SSUH2: variants seen among roughly 807,000 people sequenced by gnomAD.
The protein encoded by SSUH2 is protein SSUH2 homolog.
In SSUH2, 47 loss-of-function variants were observed where a neutral mutation model predicts 55.3. The ratio of observed to expected loss-of-function variants is 0.85; its 90% CI spans 0.67 to 1.08. The LOEUF (loss-of-function observed/expected upper bound fraction) is 1.08. Among genes scored for constraint, SSUH2 ranks in the 50% least tolerant of loss-of-function variants. The pLI, the probability that SSUH2 is intolerant of heterozygous loss-of-function variation, is 0.00. For synonymous variants in SSUH2, 212 were observed against 191.5 expected, an observed-to-expected ratio of 1.11 and a Z score of -0.89; for missense variants, 535 against 490.7, an observed-to-expected ratio of 1.09 and a Z score of -0.85.
chr3:8,679,447 G>GTA (rs1559573412), intron 2 of SSUH2, among the ~76,000 whole-genome samples: 11 of 138,458 alleles, frequency 7.9e-5, no homozygotes, highest in East Asian at 2.4e-4. Context: ...CATCACAGCG[G>GTA]GGGGAGGCAC....
At chr3:8,659,981 T>TA (rs1703315006) in intron 6 of SSUH2, among the ~76,000 whole-genome samples, 1 of 152,194 alleles carries the variant, frequency 6.6e-6, no homozygotes, top group Admixed American at 6.5e-5. Flanking sequence ...GACAGGCTCC[T>TA]AACACATGTC....
At chr3:8,632,142 T>G (rs749143886) in intron 4 of SSUH2, 33 bp from the exon 5 acceptor site, 2 of 1,580,466 alleles carry the variant, frequency 1.3e-6, no homozygotes, top group South Asian at 2.2e-5. Flanking sequence ...TTCACACTCG[T>G]GCCCCTTATG....
chr3:8,635,908 T>C (rs1460569703), intron 1 of SSUH2, 51 bp from the exon 2 acceptor site: 1 of 1,472,868 alleles, frequency 6.8e-7, no homozygotes, highest in African/African-American at 1.4e-5. Flanking sequence ...CGAGGGCTGA[T>C]GAGGGCTTCA....
At chr3:8,671,783 A>T (rs1704594586) in intron 4 of SSUH2, 1 of 151,650 alleles carries the variant, frequency 6.6e-6, no homozygotes, top group Admixed American at 6.6e-5. Flanking sequence ...CCTAGGAAAA[A>T]TCCGGGAGTA....
intron 3 of SSUH2, among the ~76,000 whole-genome samples, chr3:8,674,178 T>C (rs1704955636): frequency 6.6e-6 from 1 of 152,072 alleles, no homozygotes; most frequent in Admixed American, 6.5e-5. Flanking sequence ...GACCTGTTTG[T>C]TAGCTGCAGC....
In SSUH2 at chr3:8,656,549, C is replaced by T. The variant is rs1339333533; in HGVS notation, c.-307+2376G>A. Among the ~76,000 whole-genome samples the T allele has an allele frequency of 2.0e-5, 3 of 152,194 alleles. No homozygotes were observed. The East Asian group carries it at 5.8e-4, about 29-fold the overall frequency. ...GCCATTCCACAAACAGTCCTCATGCCCCACCATGTGCCCTAGGCTGGGGAC... is the reference window on the plus strand; with the variant it reads ...GCCATTCCACAAACAGTCCTCATGCTCCACCATGTGCCCTAGGCTGGGGAC... On this transcript the variant is annotated intron_variant, in intron 7 of 18. Coordinates refer to the SSUH2 transcript ENST00000317371.
rs775970287 is a variant in SSUH2, at chr3:8,626,331, GCA to G, written c.675-12_675-11del. The G allele has an allele frequency of 1.2e-5, 19 of 1,611,912 alleles. No individual in the cohort carries two copies. The highest frequency in any genetic ancestry group is 1.7e-5 in the Admixed American group (1 of 59,978). On this transcript the variant is annotated splice_polypyrimidine_tract_variant and intron_variant, in intron 8 of 11. Coordinates refer to ENST00000544814, the MANE Select transcript of SSUH2 (RefSeq NM_001256748.3). ...TGAGCAAGTGCTGCATCTGAGAAAG[GCA>G]CAGAGTCCGTACCCCCAGATCAGTT... is the stretch of plus-strand genomic sequence containing the variant.
chr3:8,620,225 T>A (rs9868372), intron 11 of SSUH2, among the ~76,000 whole-genome samples: 1 of 152,132 alleles, frequency 6.6e-6, no homozygotes, highest in African/African-American at 2.4e-5. Context: ...AGGGAGGTAA[T>A]TGAATCGTGG....
chr3:8,678,693 C>T (rs576119159), intron 2 of SSUH2, among the ~76,000 whole-genome samples: 18 of 37,476 alleles, frequency 4.8e-4, no homozygotes, highest in Non-Finnish European at 7.4e-4. Context: ...GCCAGCCACT[C>T]TTCCCCTCCT....
chr3:8,669,394 A>G (rs1016309153), intron 5 of SSUH2, among the ~76,000 whole-genome samples: 1 of 152,272 alleles, frequency 6.6e-6, no homozygotes, highest in Non-Finnish European at 1.5e-5. Flanking sequence ...CCAGTTAACA[A>G]ATAGAGACAG....
In SSUH2 at chr3:8,657,296, T is replaced by C. The variant is rs572917018; in HGVS notation, c.-307+1629A>G. Among the ~76,000 whole-genome samples the C allele has an allele frequency of 7.8e-4, 74 of 95,390 alleles. 1 individual carries two copies. Among genetic ancestry groups the C allele is most frequent in the African/African-American group, 2.2e-3 (70 of 32,530 alleles). 62.6% of individuals were successfully genotyped at this position (95,390 alleles called of 152,430 possible). ...ACTGACACTGCACTTGATGAGTATT[T>C]GTTGAATAGGTGAGTGGATGAATAA... On this transcript the variant is annotated intron_variant, in intron 7 of 18. Coordinates refer to the SSUH2 transcript ENST00000317371.
chr3:8,635,439 G>A, intron 2 of SSUH2, 58 bp from the exon 3 acceptor site: 2 of 1,255,856 alleles, frequency 1.6e-6, no homozygotes, highest in Middle Eastern at 1.9e-4. Context: ...AAATATTTGT[G>A]TGGTGGAAGA....
intron 3 of SSUH2, among the ~76,000 whole-genome samples, chr3:8,675,767 G>T (rs1412469485): frequency 6.6e-6 from 1 of 152,072 alleles, no homozygotes; most frequent in East Asian, 1.9e-4. Context: ...TTTGGAATGG[G>T]GATCCCAACA....
intron 3 of SSUH2, chr3:8,634,296 C>T (rs527802057): frequency 1.0e-5 from 10 of 988,740 alleles, no homozygotes; most frequent in South Asian, 3.0e-5. Context: ...CCCTGAGGAC[C>T]GTGGGTGGGA....
At chr3:8,622,949 C>G (rs1696736989) in intron 11 of SSUH2, among the ~76,000 whole-genome samples, 1 of 152,316 alleles carries the variant, frequency 6.6e-6, no homozygotes, top group Admixed American at 6.5e-5. Flanking sequence ...AGGTTCCTGT[C>G]CCGGCTGCTG....
At chr3:8,655,460 G>A (rs1263955831) in intron 7 of SSUH2, among the ~76,000 whole-genome samples, 5 of 122,566 alleles carry the variant, frequency 4.1e-5, no homozygotes, top group African/African-American at 6.5e-5. Context: ...CTCTTCCCCC[G>A]GGTCTCAGTG....
intron 7 of SSUH2, among the ~76,000 whole-genome samples, chr3:8,657,103 A>C (rs7645552): frequency 0.53 from 79,958 of 151,950 alleles, 21,317 homozygotes; most frequent in East Asian, 0.6. Flanking sequence ...CTGGTCTGGA[A>C]CTCTTGACCT....
chr3:8,635,451 G>A (rs1486679946), intron 2 of SSUH2, 70 bp from the exon 3 acceptor site: 1 of 1,136,264 alleles, frequency 8.8e-7, no homozygotes, highest in Non-Finnish European at 1.3e-6. Flanking sequence ...GGTGGAAGAA[G>A]GAAAGACTGA....
At position 8,635,401 on chromosome 3, in the gene SSUH2, G is replaced by A; in HGVS notation, c.128-20C>T. The A allele has an allele frequency of 6.6e-7, 1 of 1,520,846 alleles. No homozygotes were observed. 94.2% of individuals were successfully genotyped at this position (1,520,846 alleles called of 1,614,324 possible). On this transcript the variant is annotated intron_variant, in intron 2 of 11. Transcript: ENST00000544814. Reference sequence around the variant, plus strand: ...GTCCTCCTGGAGAAGGGAAGAGTCAGGGGCTGGACAGCCCAGGCCAAAGGA... The same window carrying A: ...GTCCTCCTGGAGAAGGGAAGAGTCAAGGGCTGGACAGCCCAGGCCAAAGGA...
Sources: gnomAD v4.1 joint callset for allele counts (sites outside exome capture counted in the v4.1 genomes callset) on GRCh38, gnomAD v4.1.1 for gene constraint, MANE v1.5 for transcripts, NCBI Gene and HGNC (gene_info 2026-07-23, HGNC 2026-07-21) for gene names.